Variants in WDR19 observed in about 807,000 individuals in gnomAD.
WDR19 encodes WD repeat-containing protein 19.
A neutral mutation model predicts 180.0 loss-of-function variants in WDR19; 121 were observed. That is an observed-to-expected ratio of 0.67 (90% CI 0.58 to 0.78). The LOEUF (loss-of-function observed/expected upper bound fraction) is 0.78, where lower values mean the gene tolerates loss of function less well. WDR19 is among the 30% of genes least tolerant of loss of function. The probability of loss-of-function intolerance (pLI) is 0.00; values close to 1 mark genes in which losing one functional copy is unlikely to be tolerated. For synonymous variants in WDR19, 497 were observed against 540.7 expected, an observed-to-expected ratio of 0.92 and a Z score of 1.12; for missense variants, 1,450 against 1,640.7, an observed-to-expected ratio of 0.88 and a Z score of 2.01.
intron 21 of WDR19, among the ~76,000 whole-genome samples, chr4:39,242,266 T>C (rs191849398): frequency 2.0e-4 from 30 of 152,148 alleles, no homozygotes; most frequent in Admixed American, 2.0e-3. Context: ...AAAATTTTTA[T>C]TTTTATGTTT....
At chr4:39,282,263 A>G (rs1027447804) in intron 36 of WDR19, among the ~76,000 whole-genome samples, 1 of 152,244 alleles carries the variant, frequency 6.6e-6, no homozygotes, top group Non-Finnish European at 1.5e-5. Context: ...AATTCTGCCT[A>G]TCACAACAGT....
At position 39,244,569 on chromosome 4, in the gene WDR19, G is replaced by T; in HGVS notation, c.2645+17G>T. On this transcript the variant is annotated intron_variant, in intron 23 of 36. Transcript: ENST00000399820. ...TAAGAATTGGTAAGAGCTGCCTGCG[G>T]TTTGTTTCTGAACAGGATTGGAAAT... 6.2e-7 allele frequency: 1 copy of T among 1,613,836 alleles called. No individual in the cohort carries two copies. The highest frequency in any genetic ancestry group is 8.5e-7 in the Non-Finnish European group (1 of 1,179,778).
intron 14 of WDR19, among the ~76,000 whole-genome samples, chr4:39,224,055 T>G (rs940464388): frequency 1.8e-4 from 27 of 152,200 alleles, no homozygotes; most frequent in African/African-American, 5.8e-4. Context: ...GTCCTGGGCA[T>G]GTTATGTTTA....
chr4:39,267,285 C>A (rs922050657), intron 29 of WDR19, among the ~76,000 whole-genome samples: 2 of 152,138 alleles, frequency 1.3e-5, no homozygotes, highest in Non-Finnish European at 2.9e-5. Flanking sequence ...TGATTGGAAA[C>A]GAGGGCAATA....
chr4:39,202,162 C>A (rs1052825121), intron 6 of WDR19, among the ~76,000 whole-genome samples: 1 of 152,066 alleles, frequency 6.6e-6, no homozygotes, highest in Non-Finnish European at 1.5e-5. Flanking sequence ...GCTGTTGGAC[C>A]TTCTTATGTC....
In WDR19 at chr4:39,244,540, G is replaced by A. The variant is rs369494725; in HGVS notation, c.2633G>A (p.Arg878His). 2.5e-5 allele frequency: 41 copies of A among 1,613,804 alleles called. No individual in the cohort carries two copies. Among genetic ancestry groups the A allele is most frequent in the African/African-American group, 9.3e-5 (7 of 74,892 alleles). ...GATAAAGCAGCATCTGTTTACATCC[G>A]CTCTAAGAATTGGTAAGAGCTGCCT... ...YYDKAASVYI[R>H]SKNWAKVGDL... Residue 878 changes from arginine (R) to histidine (H), a missense_variant, in exon 23 of 37, where the codon CGC (arginine) becomes CAC (histidine). By Grantham distance (29) the Arg-to-His change is conservative. Transcript: ENST00000399820.
At position 39,269,985 on chromosome 4, in the gene WDR19, G is replaced by A. The variant is rs764512369; in HGVS notation, c.3368G>A (p.Arg1123Gln). The change falls in exon 31 of 37, where the codon CGG becomes CAG. Residue 1123 changes from arginine (R) to glutamine (Q), a missense_variant. Coordinates refer to ENST00000399820, the MANE Select transcript of WDR19 (RefSeq NM_025132.4). ...ACCACCTTTTTTCAAGGCAACTACCGGAATGCACACGATGTTCTCTTCAGT... is the reference window on the plus strand; with the variant it reads ...ACCACCTTTTTTCAAGGCAACTACCAGAATGCACACGATGTTCTCTTCAGT... Reference protein sequence around the residue: ...AREEQSAGNYRNAHDVLFSMY... With the variant: ...AREEQSAGNYQNAHDVLFSMY... 1.4e-5 allele frequency: 22 copies of A among 1,613,310 alleles called. No individual in the cohort carries two copies. Among genetic ancestry groups the A allele is most frequent in the Middle Eastern group, 1.6e-4 (1 of 6,082 alleles).
chr4:39,196,934 C>T (rs1186159366), intron 5 of WDR19, among the ~76,000 whole-genome samples: 5 of 152,200 alleles, frequency 3.3e-5, no homozygotes, highest in Non-Finnish European at 5.9e-5. Flanking sequence ...CTGCTTTCTG[C>T]ATAGGTACTG....
chr4:39,227,270 A>T (rs1317809976), intron 15 of WDR19, among the ~76,000 whole-genome samples: 3 of 152,172 alleles, frequency 2.0e-5, no homozygotes, highest in African/African-American at 7.2e-5. Context: ...TCATTTTGAG[A>T]GTAGGATGAG....
chr4:39,232,600 G>A (rs956899460), intron 19 of WDR19, among the ~76,000 whole-genome samples: 8 of 151,934 alleles, frequency 5.3e-5, no homozygotes, highest in African/African-American at 1.9e-4. Context: ...GTAATCTCCT[G>A]CCCCAGCAGG....
At chr4:39,285,417 G>T (rs964933792) in intron 36 of WDR19, 70 bp from the exon 37 acceptor site, 1 of 152,116 alleles carries the variant, frequency 6.6e-6, no homozygotes, top group African/African-American at 2.4e-5. Flanking sequence ...AGTATGTTTG[G>T]CTTTATTACT....
intron 26 of WDR19, 35 bp from the exon 27 acceptor site, chr4:39,255,813 G>T: frequency 1.6e-6 from 2 of 1,258,450 alleles, no homozygotes; most frequent in Non-Finnish European, 2.2e-6. Flanking sequence ...AACAAATTTT[G>T]CTCAGATATT....
In WDR19 at chr4:39,230,835, C is replaced by T. The variant is rs138663585; in HGVS notation, c.1983-962C>T. Among the ~76,000 whole-genome samples the T allele has an allele frequency of 2.3e-3, 354 of 152,248 alleles. 1 individual carries two copies. Among genetic ancestry groups the T allele is most frequent in the African/African-American group, 7.8e-3 (326 of 41,552 alleles). ...GATAGATGGATGTAATATATTCACTCATGTAGAGGTTCCACAAAAAGTTTA... is the reference window on the plus strand; with the variant it reads ...GATAGATGGATGTAATATATTCACTTATGTAGAGGTTCCACAAAAAGTTTA... On this transcript the variant is annotated intron_variant, in intron 17 of 36. Coordinates refer to ENST00000399820, the MANE Select transcript of WDR19 (RefSeq NM_025132.4).
At position 39,217,152 on chromosome 4, in the gene WDR19, A is replaced by C. The variant is rs1306716711; in HGVS notation, c.1268A>C (p.Asp423Ala). The C allele has an allele frequency of 2.5e-6, 4 of 1,606,702 alleles. No individual in the cohort carries two copies. Among genetic ancestry groups the C allele is most frequent in the African/African-American group, 1.3e-5 (1 of 74,860 alleles). Residue 423 changes from aspartate (D) to alanine (A), a missense_variant, in exon 13 of 37, where the codon GAT becomes GCT. By Grantham distance (126) the Asp-to-Ala change is moderately radical (BLOSUM62 -2). Coordinates refer to ENST00000399820, the MANE Select transcript of WDR19 (RefSeq NM_025132.4). ...GCTACAGCTGTGAAAAAATTGAAAGATATGGAGTATCTGGGAACAGTAGCC... is the reference window on the plus strand; with the variant it reads ...GCTACAGCTGTGAAAAAATTGAAAGCTATGGAGTATCTGGGAACAGTAGCC... ...LGENAVKKLK[D>A]MEYLGTVASI...
intron 9 of WDR19, among the ~76,000 whole-genome samples, chr4:39,206,497 A>AT (rs1166487597): frequency 6.6e-6 from 1 of 152,198 alleles, no homozygotes; most frequent in Non-Finnish European, 1.5e-5. Flanking sequence ...ACAAGTGCTC[A>AT]TACAGTGTGG....
At chr4:39,212,520 G>A (rs10026761) in intron 9 of WDR19, among the ~76,000 whole-genome samples, 1,639 of 152,244 alleles carry the variant, frequency 0.011, 30 homozygotes, top group African/African-American at 0.037. Flanking sequence ...GGCCGGACGC[G>A]GTGCCTCACA....
chr4:39,200,163 G>T (rs1415368260), intron 6 of WDR19, among the ~76,000 whole-genome samples: 1 of 152,208 alleles, frequency 6.6e-6, no homozygotes, highest in African/African-American at 2.4e-5. Context: ...TTATGATTTA[G>T]TATTGCTAGA....
intron 7 of WDR19, among the ~76,000 whole-genome samples, chr4:39,204,375 G>A (rs147206646): frequency 0.032 from 4,864 of 152,170 alleles, 245 homozygotes; most frequent in African/African-American, 0.11. Flanking sequence ...GTGAGCCACC[G>A]CACCCGGCCA....
At chr4:39,225,961 A>T (rs1469085375) in intron 15 of WDR19, among the ~76,000 whole-genome samples, 3 of 152,192 alleles carry the variant, frequency 2.0e-5, no homozygotes, top group Non-Finnish European at 4.4e-5. Context: ...TAGTCAATGC[A>T]TTCCTCTCCC....
Sources: allele counts gnomAD v4.1 joint callset (sites outside exome capture counted in the v4.1 genomes callset), GRCh38; gene constraint gnomAD v4.1.1; transcripts MANE v1.5; gene names NCBI Gene and HGNC (gene_info 2026-07-23, HGNC 2026-07-21).